SERINC2: variants seen among roughly 807,000 people sequenced by gnomAD.
The protein encoded by SERINC2 is serine incorporator 2, also known as tumor differentially expressed protein 2.
In SERINC2, 56 loss-of-function variants were observed where a neutral mutation model predicts 54.2. That is an observed-to-expected ratio of 1.03 (90% CI 0.83 to 1.29). SERINC2 has a LOEUF of 1.29. Ranked by LOEUF, SERINC2 falls within the 50% of genes most tolerant of loss-of-function variation. The pLI is 0.00. For missense variants in SERINC2, 614 were observed against 607.4 expected, an observed-to-expected ratio of 1.01 and a Z score of -0.12; for synonymous variants, 272 against 253.1, an observed-to-expected ratio of 1.07 and a Z score of -0.71.
chr1:31,434,065 C>T lies in SERINC2; in HGVS notation c.1234C>T (p.Pro412Ser), dbSNP rs781948117. ...VMMTLTNWYK[P>S]GETRKMISTW... Reference sequence around the variant, plus strand: ...CATGGGGAAGATGGTGTGTTCCAGGCCCGGTGAGACCCGGAAGATGATCAG... The same window carrying T: ...CATGGGGAAGATGGTGTGTTCCAGGTCCGGTGAGACCCGGAAGATGATCAG... The change falls in exon 10 of 10, where the codon CCC (proline) becomes TCC (serine). Residue 412 changes from proline to serine, a missense_variant and splice_region_variant. Transcript: ENST00000373709. The T allele has an allele frequency of 6.2e-7, 1 of 1,613,390 alleles. No individual in the cohort carries two copies. The highest frequency in any genetic ancestry group is 2.2e-5 in the East Asian group (1 of 44,896).
chr1:31,409,807 G>A (rs782783014), upstream of SERINC2: 2 of 1,552,898 alleles, frequency 1.3e-6, no homozygotes, highest in Non-Finnish European at 1.7e-6. Context: ...AGGGATAGGA[G>A]GGCTCAAAGC....
intron 8 of SERINC2, among the ~76,000 whole-genome samples, chr1:31,430,625 TA>T (rs1385308444): frequency 1.3e-5 from 2 of 152,248 alleles, no homozygotes; most frequent in African/African-American, 4.8e-5. Flanking sequence ...TGTTGCATAT[TA>T]TTGTGAACAT....
chr1:31,431,527 G>A lies in SERINC2; in HGVS notation c.1014-1440G>A, dbSNP rs74609716. Among the ~76,000 whole-genome samples the A allele has an allele frequency of 5.4e-3, 818 of 152,074 alleles. 60 individuals are homozygous for A. The East Asian group carries it at 0.14, about 26-fold the overall frequency. On this transcript the variant is annotated intron_variant, in intron 8 of 9. Transcript: ENST00000373709. ...AGCTTGGAACTCTTTCCCTGCCCCTGGTTCTCTGTCCCTTCCCCTCCCCGA... is the reference window on the plus strand; with the variant it reads ...AGCTTGGAACTCTTTCCCTGCCCCTAGTTCTCTGTCCCTTCCCCTCCCCGA...
chr1:31,416,136 A>G (rs1363259850), intron 1 of SERINC2, among the ~76,000 whole-genome samples: 5 of 152,124 alleles, frequency 3.3e-5, no homozygotes, highest in Admixed American at 1.3e-4. Context: ...CCTTGTCTGT[A>G]AAGTGGAGAA....
rs548307797 is a variant in SERINC2 at position 31,425,721 on chromosome 1, A to G, written c.473-55A>G. The G allele has an allele frequency of 2.6e-5, 42 of 1,588,278 alleles. No homozygotes were observed. In the African/African-American group the frequency reaches 5.5e-4, roughly 21 times the overall value. On this transcript the variant is annotated intron_variant, in intron 4 of 9. Transcript: ENST00000373709. ...GGGTGTAGCAGAAAACGCTTGTTGA[A>G]CGAGTAGATGTGAGAGAGGGACCCT...
rs1553134180 is a variant in SERINC2, at chr1:31,429,542, T to C, written c.1013+4T>C. ...TCCTGTGCACCCTCTTCATCAGGTA[T>C]GGCCAGGTCTGGATTCTGGGGAAGG... On this transcript the variant is annotated splice_donor_region_variant and intron_variant, in intron 8 of 9. Transcript: ENST00000373709. The C allele has an allele frequency of 1.3e-6, 2 of 1,598,010 alleles. No homozygotes were observed. The highest frequency in any genetic ancestry group is 1.7e-6 in the Non-Finnish European group (2 of 1,170,450).
chr1:31,410,334 C>T (rs985074441), upstream of SERINC2: 5 of 1,547,566 alleles, frequency 3.2e-6, no homozygotes, highest in Non-Finnish European at 4.4e-6. Flanking sequence ...TTCATCTCCT[C>T]AGTAGTCCCC....
Position 31,434,258 on chromosome 1 carries a change from G to A in SERINC2, c.*59G>A. ...GCCACCTGGTGCCTCTCGGCTCAGTGACAGCCAACCTGCCCCCTCCCCACA... is the reference window on the plus strand; with the variant it reads ...GCCACCTGGTGCCTCTCGGCTCAGTAACAGCCAACCTGCCCCCTCCCCACA... On this transcript the variant is annotated 3_prime_UTR_variant, in exon 10 of 10. Transcript: ENST00000373709. 6.4e-7 allele frequency: 1 copy of A among 1,554,338 alleles called. No homozygotes were observed. Among genetic ancestry groups the A allele is most frequent in the South Asian group, 1.2e-5 (1 of 84,612 alleles).
intron 4 of SERINC2, 43 bp from the exon 5 acceptor site, chr1:31,425,733 G>C: frequency 1.9e-6 from 3 of 1,601,588 alleles, no homozygotes; most frequent in Non-Finnish European, 2.6e-6. Context: ...GAGTAGATGT[G>C]AGAGAGGGAC....
chr1:31,429,012 C>T lies in SERINC2; in HGVS notation c.815C>T (p.Ser272Leu), dbSNP rs781791834. 27 of 1,613,852 alleles carry T rather than the reference C, an allele frequency of 1.7e-5. No individual in the cohort carries two copies. The highest frequency in any genetic ancestry group is 2.0e-5 in the Non-Finnish European group (24 of 1,179,962). ...AQPNSGLLQA[S>L]VITLYTMFVT... ...CCCAACTCGGGTCTGCTGCAGGCCT[C>T]GGTCATCACCCTCTACACCATGTTT... Residue 272 changes from serine to leucine, a missense_variant, in exon 7 of 10, where the codon TCG (serine) becomes TTG (leucine). Physicochemically the swap from Ser to Leu is moderately radical, Grantham distance 145. Coordinates refer to ENST00000373709, the MANE Select transcript of SERINC2 (RefSeq NM_178865.5).
In SERINC2 at chr1:31,425,769, C is replaced by T. The variant is rs369859886; in HGVS notation, c.473-7C>T. ...CCTCCTCGCCTCACTCCCCTCTCCC[C>T]ACCCAGTCTGGTTCTACTTCGGCGT... is the stretch of plus-strand genomic sequence containing the variant. On this transcript the variant is annotated splice_polypyrimidine_tract_variant and splice_region_variant and intron_variant, in intron 4 of 9. Transcript: ENST00000373709. The T allele has an allele frequency of 5.0e-6, 8 of 1,612,138 alleles. No homozygotes were observed. In the African/African-American group the frequency reaches 6.7e-5, roughly 13 times the overall value.
At chr1:31,431,737 T>C (rs4949405) in intron 8 of SERINC2, among the ~76,000 whole-genome samples, 34,513 of 50,242 alleles carry the variant, frequency 0.69, 11,987 homozygotes, top group Non-Finnish European at 0.9. Flanking sequence ...GATATCCATA[T>C]GGTATTTGGT....
chr1:31,434,589 G>A lies in SERINC2; in HGVS notation c.*390G>A, dbSNP rs1044177. ...CTGAAGCCCTGGTGTTCCTGGTCAC[G>A]TCCCCCAGGGGACCCTGCCCACTTC... On this transcript the variant is annotated 3_prime_UTR_variant, in exon 10 of 10. Transcript: ENST00000373709. The A allele has an allele frequency of 2.6e-5, 6 of 230,940 alleles. No individual in the cohort carries two copies. Among genetic ancestry groups the A allele is most frequent in the Admixed American group, 2.0e-4 (4 of 19,682 alleles). 14.3% of individuals were successfully genotyped at this position (230,940 alleles called of 1,614,324 possible).
rs1301615169 is a variant in SERINC2 at position 31,414,419 on chromosome 1, GGTTGTGTGT to G, written c.39+1118_39+1126del. On this transcript the variant is annotated intron_variant, in intron 1 of 9. Coordinates refer to ENST00000373709, the MANE Select transcript of SERINC2 (RefSeq NM_178865.5). ...GACTCGCTTTCCTTTGTCCCTGACG[GGTTGTGTGT>G]GTGTGTGTGTGTGTGTGTGTGTGTG... 8.2e-4 allele frequency: 936 copies of G among 1,146,086 alleles called. 9 individuals carry two copies. The African/African-American group carries it at 0.018, about 22-fold the overall frequency. 71.0% of individuals were successfully genotyped at this position (1,146,086 alleles called of 1,614,324 possible).
At chr1:31,421,572 G>T (rs1640902513) in intron 1 of SERINC2, among the ~76,000 whole-genome samples, 1 of 152,200 alleles carries the variant, frequency 6.6e-6, no homozygotes, top group Non-Finnish European at 1.5e-5. Context: ...TAGTTTGGGG[G>T]AGAGTAAGAG....
At position 31,425,834 on chromosome 1, in the gene SERINC2, G is replaced by C. The variant is rs1553133508; in HGVS notation, c.531G>C (p.Leu177=). The C allele has an allele frequency of 6.2e-7, 1 of 1,613,716 alleles. No individual in the cohort carries two copies. Among genetic ancestry groups the C allele is most frequent in the Admixed American group, 1.7e-5 (1 of 60,016 alleles). Residue 177 remains leucine (L), a synonymous_variant, in exon 5 of 10, where the codon CTG becomes CTC. Coordinates refer to ENST00000373709, the MANE Select transcript of SERINC2 (RefSeq NM_178865.5). Reference sequence around the variant, plus strand: ...TCTTCATCCTCATCCAGCTGGTGCTGCTCATCGACTTTGCGCACTCCTGGA... The same window carrying C: ...TCTTCATCCTCATCCAGCTGGTGCTCCTCATCGACTTTGCGCACTCCTGGA... The part of the protein sequence containing the change: ...SFLFILIQLV[L]LIDFAHSWNQ...
rs1199148762 is a variant in SERINC2 at position 31,425,318 on chromosome 1, C to T, written c.393-12C>T. ...CTCAGCTTCCTTGTCCATTCCCCGA[C>T]CCCTTCTGTAGGTTTTGGTTCTTTA... On this transcript the variant is annotated splice_polypyrimidine_tract_variant and intron_variant, in intron 3 of 9. Coordinates refer to ENST00000373709, the MANE Select transcript of SERINC2 (RefSeq NM_178865.5). The T allele has an allele frequency of 3.1e-6, 5 of 1,602,078 alleles. No individual in the cohort carries two copies. In the East Asian group the frequency reaches 6.7e-5, roughly 21 times the overall value.
At chr1:31,423,883 C>A in intron 2 of SERINC2, 29 bp downstream of exon 2, 1 of 1,606,884 alleles carries the variant, frequency 6.2e-7, no homozygotes, top group East Asian at 2.2e-5. Flanking sequence ...GCAGGGCGGC[C>A]TCCAGCGAGG....
chr1:31,423,720 T>C lies in SERINC2; in HGVS notation c.67T>C (p.Cys23Arg). The change falls in exon 2 of 10, where the codon TGC becomes CGC. Residue 23 changes from cysteine (C) to arginine (R), a missense_variant. Cys to Arg is a radical substitution (Grantham distance 180). Transcript: ENST00000373709. Reference protein sequence around the residue: ...CASCLCGSAPCILCSCCPASR... With the variant: ...CASCLCGSAPRILCSCCPASR... ...GTCCTGCCTCTGCGGCTCTGCCCCC[T>C]GCATCCTGTGCAGCTGCTGCCCCGC... 1 of 1,611,492 alleles carries C rather than the reference T, an allele frequency of 6.2e-7. No homozygotes were observed. Among genetic ancestry groups the C allele is most frequent in the Non-Finnish European group, 8.5e-7 (1 of 1,179,890 alleles).
Sources: allele counts gnomAD v4.1 joint callset (sites outside exome capture counted in the v4.1 genomes callset), GRCh38; gene constraint gnomAD v4.1.1; transcripts MANE v1.5; gene names NCBI Gene and HGNC (gene_info 2026-07-23, HGNC 2026-07-21).